PAM: variants seen among roughly 807,000 people sequenced by gnomAD.
PAM encodes peptidylglycine alpha-amidating monooxygenase.
Under a neutral mutation model 122.1 loss-of-function variants are expected in PAM, and 72 were observed. That is an observed-to-expected ratio of 0.59 (90% confidence interval 0.49 to 0.72). PAM has a LOEUF of 0.72. PAM is among the 30% of genes least tolerant of loss of function. The pLI is 0.00. For missense variants in PAM, 1,106 were observed against 1,183.7 expected, an observed-to-expected ratio of 0.93 and a Z score of 0.96; for synonymous variants, 389 against 404.4, an observed-to-expected ratio of 0.96 and a Z score of 0.46.
chr5:102,796,527 A>G (rs920396604), intron 1 of PAM, among the ~76,000 whole-genome samples: 3 of 152,170 alleles, frequency 2.0e-5, no homozygotes, highest in Non-Finnish European at 2.9e-5. Flanking sequence ...TAAGATTATA[A>G]TTCTCTTACC....
At chr5:102,832,704 AAT>A (rs541606258) in intron 1 of PAM, among the ~76,000 whole-genome samples, 8 of 150,794 alleles carry the variant, frequency 5.3e-5, no homozygotes, top group Admixed American at 1.3e-4. Context: ...ATTTTGTAAT[AAT>A]ATATATATAT....
At chr5:102,954,992 A>G (rs944256136) in intron 12 of PAM, among the ~76,000 whole-genome samples, 1 of 152,138 alleles carries the variant, frequency 6.6e-6, no homozygotes, top group African/African-American at 2.4e-5. Context: ...TTCTTAATGT[A>G]TACATTTAAA....
At chr5:102,991,068 G>A (rs1244622244) in intron 16 of PAM, among the ~76,000 whole-genome samples, 1 of 152,058 alleles carries the variant, frequency 6.6e-6, no homozygotes, top group Non-Finnish European at 1.5e-5. Flanking sequence ...AACATAGAAC[G>A]GTTATTGAGT....
chr5:102,897,217 T>G (rs77839094), intron 3 of PAM, among the ~76,000 whole-genome samples: 1 of 151,548 alleles, frequency 6.6e-6, no homozygotes, highest in Admixed American at 6.6e-5. Context: ...ATGAGTAATA[T>G]GTGGAAACGT....
intron 16 of PAM, among the ~76,000 whole-genome samples, chr5:103,002,636 A>G (rs1777748404): frequency 6.6e-6 from 1 of 152,200 alleles, no homozygotes; most frequent in Non-Finnish European, 1.5e-5. Flanking sequence ...TTCTTTTGCA[A>G]TATGAAAGAA....
chr5:102,909,630 G>A (rs998590478), intron 4 of PAM, among the ~76,000 whole-genome samples: 6 of 151,780 alleles, frequency 4.0e-5, no homozygotes, highest in African/African-American at 1.2e-4. Context: ...TGGGGGAGGC[G>A]AGAAGGGACT....
intron 14 of PAM, among the ~76,000 whole-genome samples, chr5:102,970,233 T>C (rs1473257981): frequency 1.3e-5 from 2 of 152,134 alleles, no homozygotes; most frequent in African/African-American, 4.8e-5. Context: ...TGGTAAACAC[T>C]AGGTGAAAAT....
intron 7 of PAM, among the ~76,000 whole-genome samples, chr5:102,936,919 G>C (rs1370813580): frequency 6.6e-6 from 1 of 152,048 alleles, no homozygotes; most frequent in African/African-American, 2.4e-5. Flanking sequence ...TGTAGAACAG[G>C]TGTGTCAGGG....
At chr5:102,803,141 G>A (rs958523443) in intron 1 of PAM, among the ~76,000 whole-genome samples, 2,721 of 121,236 alleles carry the variant, frequency 0.022, 102 homozygotes, top group East Asian at 0.13. Flanking sequence ...AAGAAAGAAA[G>A]AAAGAAAGGA....
intron 1 of PAM, among the ~76,000 whole-genome samples, chr5:102,821,650 C>T (rs1031674174): frequency 2.0e-5 from 3 of 152,136 alleles, no homozygotes; most frequent in Non-Finnish European, 4.4e-5. Flanking sequence ...TTTCATTTTA[C>T]TCTCACAGCA....
chr5:102,884,400 C>T (rs1001900832), intron 3 of PAM, among the ~76,000 whole-genome samples: 5 of 151,640 alleles, frequency 3.3e-5, no homozygotes, highest in Admixed American at 2.0e-4. Flanking sequence ...TGCTTTGCAC[C>T]GGTGCTATTA....
At chr5:102,872,683 A>T (rs941176142) in intron 3 of PAM, among the ~76,000 whole-genome samples, 4 of 152,226 alleles carry the variant, frequency 2.6e-5, no homozygotes, top group Admixed American at 2.6e-4. Context: ...CTGTTTTATC[A>T]GAGGTAATAT....
At chr5:102,870,977 T>G (rs1330234861) in intron 3 of PAM, among the ~76,000 whole-genome samples, 1 of 152,226 alleles carries the variant, frequency 6.6e-6, no homozygotes, top group African/African-American at 2.4e-5. Context: ...AGTATGGTGA[T>G]ATCAATTTGA....
chr5:102,936,364 G>T (rs1217281013), intron 7 of PAM, among the ~76,000 whole-genome samples: 1 of 152,050 alleles, frequency 6.6e-6, no homozygotes, highest in Non-Finnish European at 1.5e-5. Flanking sequence ...TACTGTAAAT[G>T]CCCCCAAAAA....
At position 102,826,601 on chromosome 5, in the gene PAM, A is replaced by C. The variant is rs554946861; in HGVS notation, c.-373-39222A>C. ...ATGCACCAGAGATCCCCTACCTCTT[A>C]AAATCCATTTAGAGAGTCAGCTGCA... On this transcript the variant is annotated intron_variant, in intron 1 of 25. Transcript: ENST00000438793. Among the ~76,000 whole-genome samples the C allele has an allele frequency of 1.8e-4, 28 of 152,310 alleles. No homozygotes were observed. In the South Asian group the frequency reaches 3.9e-3, roughly 21 times the overall value.
intron 3 of PAM, among the ~76,000 whole-genome samples, chr5:102,882,079 A>ATATG (rs1791383147): frequency 1.8e-5 from 1 of 55,288 alleles, no homozygotes; most frequent in African/African-American, 7.7e-5. Flanking sequence ...ATATATATAT[A>ATATG]TATATATATA....
intron 1 of PAM, among the ~76,000 whole-genome samples, chr5:102,772,399 T>C (rs2149778278): frequency 6.6e-6 from 1 of 152,258 alleles, no homozygotes; most frequent in South Asian, 2.1e-4. Context: ...TGTTTTGTGC[T>C]GTCTTCCTCA....
intron 23 of PAM, among the ~76,000 whole-genome samples, chr5:103,023,830 A>T (rs1784278204): frequency 6.6e-6 from 1 of 152,162 alleles, no homozygotes; most frequent in Non-Finnish European, 1.5e-5. Context: ...AGTACTCAAT[A>T]GATATCACTG....
chr5:102,869,558 T>C (rs1786707600), intron 3 of PAM, among the ~76,000 whole-genome samples: 1 of 152,180 alleles, frequency 6.6e-6, no homozygotes, highest in African/African-American at 2.4e-5. Context: ...ATTTCTTCCA[T>C]TTTTTTCCCA....
Sources: allele counts gnomAD v4.1 joint callset (sites outside exome capture counted in the v4.1 genomes callset), GRCh38; gene constraint gnomAD v4.1.1; transcripts MANE v1.5; gene names NCBI Gene and HGNC (gene_info 2026-07-23, HGNC 2026-07-21).